Variants in PPP4R3A observed in about 807,000 individuals in gnomAD.
PPP4R3A encodes protein phosphatase 4 regulatory subunit 3A, also known as serine/threonine-protein phosphatase 4 regulatory subunit 3A.
Under a neutral mutation model 91.7 loss-of-function variants are expected in PPP4R3A, and 15 were observed. The ratio of observed to expected loss-of-function variants is 0.16; its 90% CI spans 0.11 to 0.25. The LOEUF is 0.25. Among genes scored for constraint, PPP4R3A ranks in the 10% least tolerant of loss-of-function variants. The probability of loss-of-function intolerance (pLI) is 1.00; values close to 1 mark genes in which losing one functional copy is unlikely to be tolerated. For missense variants in PPP4R3A, 623 were observed against 998.4 expected, an observed-to-expected ratio of 0.62 and a Z score of 5.07; for synonymous variants, 377 against 348.7, an observed-to-expected ratio of 1.08 and a Z score of -0.91.
chr14:91,458,400 A>T lies in PPP4R3A; in HGVS notation c.*359T>A, dbSNP rs928732505. On this transcript the variant is annotated 3_prime_UTR_variant, in exon 15 of 15. Coordinates refer to ENST00000554943, the MANE Select transcript of PPP4R3A (RefSeq NM_001366432.2). ...TATGGCAGAAAGGCCCATTCTTCTG[A>T]GTCTCAAACATGGTCCAAGAAAGCA... 6.9e-6 allele frequency: 2 copies of T among 288,968 alleles called. No homozygotes were observed. The highest frequency in any genetic ancestry group is 4.4e-5 in the African/African-American group (2 of 45,784). 17.9% of individuals were successfully genotyped at this position (288,968 alleles called of 1,614,324 possible).
At chr14:91,508,312 A>G (rs1891539635) in intron 1 of PPP4R3A, among the ~76,000 whole-genome samples, 1 of 152,190 alleles carries the variant, frequency 6.6e-6, no homozygotes, top group Non-Finnish European at 1.5e-5. Flanking sequence ...GAACATCAAT[A>G]TTCCCAGAGT....
At chr14:91,483,519 CTT>C (rs1280085470) in intron 3 of PPP4R3A, among the ~76,000 whole-genome samples, 4 of 152,154 alleles carry the variant, frequency 2.6e-5, no homozygotes, top group Admixed American at 2.6e-4. Flanking sequence ...CAAACTATGA[CTT>C]TATCCACAGA....
At position 91,460,288 on chromosome 14, in the gene PPP4R3A, C is replaced by T. The variant is rs575526066; in HGVS notation, c.2391+1093G>A. Among the ~76,000 whole-genome samples, 4 of 152,246 alleles carry T rather than the reference C, an allele frequency of 2.6e-5. No individual in the cohort carries two copies. The South Asian group carries it at 6.2e-4, about 24-fold the overall frequency. On this transcript the variant is annotated intron_variant, in intron 14 of 14. Coordinates refer to ENST00000554943, the MANE Select transcript of PPP4R3A (RefSeq NM_001366432.2). ...TGGACCTCCCAAAGCACTGGGATTACGGGCGTAAGCCACCGCGCCTGGCTG... is the reference window on the plus strand; with the variant it reads ...TGGACCTCCCAAAGCACTGGGATTATGGGCGTAAGCCACCGCGCCTGGCTG...
chr14:91,499,758 T>C (rs34591525), intron 1 of PPP4R3A, among the ~76,000 whole-genome samples: 1 of 147,980 alleles, frequency 6.8e-6, no homozygotes, highest in South Asian at 2.1e-4. Context: ...GAGGCAGAGG[T>C]TGCAGTGAGC....
At chr14:91,461,768 C>T (rs1888175701) in intron 13 of PPP4R3A, 161 bp from the exon 14 acceptor site, 2 of 851,606 alleles carry the variant, frequency 2.3e-6, no homozygotes, top group Admixed American at 3.0e-5. Context: ...ACCACAATTC[C>T]ATTCATTGGA....
chr14:91,482,266 G>A (rs550141612), intron 3 of PPP4R3A, 73 bp from the exon 4 acceptor site: 228 of 1,435,154 alleles, frequency 1.6e-4, no homozygotes, highest in Admixed American at 9.5e-4. Context: ...ACTCTAAGAT[G>A]AATACTAGAA....
At chr14:91,493,650 G>A (rs61402235) in intron 1 of PPP4R3A, among the ~76,000 whole-genome samples, 71,570 of 147,416 alleles carry the variant, frequency 0.49, 18,172 homozygotes, top group Admixed American at 0.53. Flanking sequence ...ATTTAAAAAA[G>A]GTATAAAAAT....
In PPP4R3A at chr14:91,473,274, A is replaced by G. The variant is rs1441027932; in HGVS notation, c.1363T>C (p.Leu455=). 1 of 1,614,004 alleles carries G rather than the reference A, an allele frequency of 6.2e-7. No homozygotes were observed. Residue 455 remains leucine, a synonymous_variant, in exon 8 of 15, where the codon TTA becomes CTA. Coordinates refer to ENST00000554943, the MANE Select transcript of PPP4R3A (RefSeq NM_001366432.2). ...AVQLMGLLRT[L]VDPENMLATA... is the part of the protein sequence containing the mutation. ...GCTAGCATGTTCTCTGGGTCAACTA[A>G]AGTTCGAAGCAGGCCCATAAGCTGG...
chr14:91,503,939 T>A (rs979558181), intron 1 of PPP4R3A, among the ~76,000 whole-genome samples: 17 of 152,104 alleles, frequency 1.1e-4, no homozygotes, highest in South Asian at 2.1e-4. Context: ...TAATCTATCT[T>A]CCTTAAAGAA....
Position 91,509,584 on chromosome 14 carries a change from G to T in PPP4R3A, c.64C>A (p.Arg22=). The change falls in exon 1 of 15, where the codon CGG becomes AGG. Residue 22 remains arginine, a synonymous_variant. Transcript: ENST00000554943. ...TLNEDRQWDD[R]GTGHVSSGYV... is the part of the protein sequence containing the mutation. Reference sequence around the variant, plus strand: ...CCAGACGACACATGCCCGGTGCCCCGGTCGTCCCACTGCCGGTCCTCGTTG... The same window carrying T: ...CCAGACGACACATGCCCGGTGCCCCTGTCGTCCCACTGCCGGTCCTCGTTG... 6.2e-7 allele frequency: 1 copy of T among 1,602,978 alleles called. No individual in the cohort carries two copies. Among genetic ancestry groups the T allele is most frequent in the Non-Finnish European group, 8.5e-7 (1 of 1,179,026 alleles).
intron 1 of PPP4R3A, among the ~76,000 whole-genome samples, chr14:91,498,853 G>A (rs1890753829): frequency 6.7e-6 from 1 of 148,364 alleles, no homozygotes; most frequent in Non-Finnish European, 1.5e-5. Context: ...GGCGGAGCTT[G>A]CAGTGAGCCG....
intron 11 of PPP4R3A, among the ~76,000 whole-genome samples, chr14:91,463,938 T>G (rs1238222413): frequency 6.6e-6 from 1 of 152,162 alleles, no homozygotes; most frequent in African/African-American, 2.4e-5. Context: ...GGCTCTGGTA[T>G]CTGTTGTTGT....
chr14:91,461,039 G>T (rs376633174), intron 14 of PPP4R3A, among the ~76,000 whole-genome samples: 1 of 152,138 alleles, frequency 6.6e-6, no homozygotes, highest in Non-Finnish European at 1.5e-5. Flanking sequence ...CCCCACAAAG[G>T]CTTTATCTGG....
chr14:91,460,077 T>C (rs917448257), intron 14 of PPP4R3A, among the ~76,000 whole-genome samples: 3 of 152,044 alleles, frequency 2.0e-5, no homozygotes, highest in African/African-American at 7.2e-5. Flanking sequence ...AGTGGCGCCA[T>C]CTCAGCTCCC....
chr14:91,500,819 G>A (rs1162545837), intron 1 of PPP4R3A, among the ~76,000 whole-genome samples: 1 of 152,088 alleles, frequency 6.6e-6, no homozygotes, highest in Non-Finnish European at 1.5e-5. Flanking sequence ...GCCAAGAATT[G>A]GAGACCAGCT....
chr14:91,488,964 G>A (rs1890070363), intron 2 of PPP4R3A, among the ~76,000 whole-genome samples: 1 of 144,882 alleles, frequency 6.9e-6, no homozygotes, highest in Non-Finnish European at 1.5e-5. Context: ...CTGGAGTGCA[G>A]TGGCGCAATC....
At chr14:91,502,280 G>C (rs1891013288) in intron 1 of PPP4R3A, among the ~76,000 whole-genome samples, 1 of 152,024 alleles carries the variant, frequency 6.6e-6, no homozygotes, top group South Asian at 2.1e-4. Context: ...AAATAAATCA[G>C]CTGGGCCTGG....
intron 1 of PPP4R3A, among the ~76,000 whole-genome samples, chr14:91,491,471 G>A (rs760730948): frequency 6.6e-5 from 10 of 151,852 alleles, no homozygotes; most frequent in Middle Eastern, 3.2e-3. Flanking sequence ...GCAGTGGCGC[G>A]ATCTCGGCTC....
At chr14:91,461,245 G>A (rs1888135334) in intron 14 of PPP4R3A, 136 bp downstream of exon 14, 2 of 755,852 alleles carry the variant, frequency 2.6e-6, no homozygotes, top group East Asian at 2.6e-5. Context: ...TCAAGCGGTG[G>A]GGGGGACTCA....
Sources: allele counts gnomAD v4.1 joint callset (sites outside exome capture counted in the v4.1 genomes callset), GRCh38; gene constraint gnomAD v4.1.1; transcripts MANE v1.5; gene names NCBI Gene and HGNC (gene_info 2026-07-23, HGNC 2026-07-21).